The following GAB2 variants were observed in gnomAD, a reference collection of about 807,000 sequenced individuals.
GAB2 encodes the protein GRB2 associated binding protein 2.
Under a neutral mutation model 65.5 loss-of-function variants are expected in GAB2, and 26 were observed. The observed-to-expected ratio is 0.40, with a 90% CI of 0.29 to 0.55. The LOEUF (loss-of-function observed/expected upper bound fraction) is 0.55, where lower values mean the gene tolerates loss of function less well. Ranked by LOEUF, GAB2 falls within the 20% of genes least tolerant of loss-of-function variation. The pLI is 0.53. For missense variants in GAB2, 884 were observed against 875.8 expected, an observed-to-expected ratio of 1.01 and a Z score of -0.12; for synonymous variants, 321 against 329.6, an observed-to-expected ratio of 0.97 and a Z score of 0.28.
chr11:78,215,550 G>C lies in GAB2; in HGVS notation c.*3722C>G, dbSNP rs957330296. On this transcript the variant is annotated 3_prime_UTR_variant, in exon 10 of 10. Transcript: ENST00000361507. ...TCAATTTTAAATGGTAACAAGACAA[G>C]AACTCAAGACTGGGCTTCCACTAGC... 2 of 152,546 alleles carry C rather than the reference G, an allele frequency of 1.3e-5. No individual in the cohort carries two copies. The highest frequency in any genetic ancestry group is 4.8e-5 in the African/African-American group (2 of 41,456). 9.4% of individuals were successfully genotyped at this position (152,546 alleles called of 1,614,324 possible).
At chr11:78,244,663 TAAAAAAAAAAA>T (rs36056237) in intron 3 of GAB2, among the ~76,000 whole-genome samples, 8 of 74,772 alleles carry the variant, frequency 1.1e-4, no homozygotes, top group Admixed American at 4.9e-4. Context: ...ACATTCATAG[TAAAAAAAAAAA>T]AAAAAAAAAA....
At chr11:78,415,876 GT>G (rs1449384845) in intron 1 of GAB2, among the ~76,000 whole-genome samples, 4 of 150,496 alleles carry the variant, frequency 2.7e-5, no homozygotes, top group African/African-American at 7.3e-5. Flanking sequence ...TTTGCAAATT[GT>G]TTCAAAAACA....
chr11:78,417,164 G>A (rs935136853), intron 1 of GAB2, among the ~76,000 whole-genome samples: 1 of 152,126 alleles, frequency 6.6e-6, no homozygotes, highest in African/African-American at 2.4e-5. Flanking sequence ...CGGCCGGGAG[G>A]GGCAGGCGGA....
At chr11:78,370,230 C>T (rs1328932351) in intron 1 of GAB2, among the ~76,000 whole-genome samples, 1 of 144,502 alleles carries the variant, frequency 6.9e-6, no homozygotes, top group Non-Finnish European at 1.5e-5. Context: ...GCACTCCAGC[C>T]TGGGCGACAG....
chr11:78,368,240 G>A (rs1443057338), intron 1 of GAB2, among the ~76,000 whole-genome samples: 42 of 152,194 alleles, frequency 2.8e-4, no homozygotes. Context: ...CAACCAGGAA[G>A]TCCATGAACA....
chr11:78,293,074 T>G lies in GAB2; in HGVS notation c.76-12173A>C, dbSNP rs553162461. Among the ~76,000 whole-genome samples, 8 of 152,298 alleles carry G rather than the reference T, an allele frequency of 5.3e-5. 1 individual carries two copies. In the South Asian group the frequency reaches 1.7e-3, roughly 32 times the overall value. On this transcript the variant is annotated intron_variant, in intron 1 of 9. Transcript: ENST00000361507. The stretch of plus-strand genomic sequence containing the variant: ...GAGTTTATGAATTCAAGTTTATAGT[T>G]AATTGGTGATGGCAGATGGCAATAA...
rs113709383 is a variant in GAB2 at position 78,389,311 on chromosome 11, C to CTTTT, written c.75+28331_75+28334dup. On this transcript the variant is annotated intron_variant, in intron 1 of 9. Coordinates refer to ENST00000361507, the MANE Select transcript of GAB2 (RefSeq NM_080491.3). ...AATGACAGAAAAGCATGTGGTTTTC[C>CTTTT]TTTTTTTTTTTTTTGAGACAGAGTT... Among the ~76,000 whole-genome samples the CTTTT allele has an allele frequency of 1.7e-4, 25 of 144,176 alleles. 1 individual carries two copies. The highest frequency in any genetic ancestry group is 6.1e-4 in the African/African-American group (24 of 39,354). The allele number at this position is 144,176 out of a possible 152,430, so 94.6% of individuals were successfully genotyped here.
intron 3 of GAB2, among the ~76,000 whole-genome samples, chr11:78,246,152 G>C (rs578826): frequency 6.6e-6 from 1 of 151,544 alleles, no homozygotes; most frequent in Non-Finnish European, 1.5e-5. Context: ...GGCTGGTCTC[G>C]AACTCCTGAC....
At chr11:78,288,957 C>T (rs775780124) in intron 1 of GAB2, among the ~76,000 whole-genome samples, 27 of 152,108 alleles carry the variant, frequency 1.8e-4, no homozygotes, top group Non-Finnish European at 3.2e-4. Flanking sequence ...GTAGCACTGG[C>T]GAAGAGACAG....
chr11:78,249,746 T>A (rs1865394588), intron 3 of GAB2, among the ~76,000 whole-genome samples: 1 of 152,180 alleles, frequency 6.6e-6, no homozygotes, highest in Non-Finnish European at 1.5e-5. Context: ...AGGTAGTAGC[T>A]ACTATACAGA....
At chr11:78,261,976 T>G (rs1865747083) in intron 2 of GAB2, among the ~76,000 whole-genome samples, 1 of 152,218 alleles carries the variant, frequency 6.6e-6, no homozygotes. Context: ...TTATAAGAGA[T>G]AAGCTTTTCC....
At chr11:78,221,334 T>TCACCACTGAGGAGATACCTC (rs1461352016) in intron 8 of GAB2, among the ~76,000 whole-genome samples, 1 of 152,180 alleles carries the variant, frequency 6.6e-6, no homozygotes, top group Non-Finnish European at 1.5e-5. Context: ...CGTATGCCTC[T>TCACCACTGAGGAGATACCTC]CACCACTGAG....
At position 78,215,543 on chromosome 11, in the gene GAB2, A is replaced by AAGAC. The variant is rs1864080177; in HGVS notation, c.*3725_*3728dup. 6.6e-6 allele frequency: 1 copy of AAGAC among 152,616 alleles called. No homozygotes were observed. 9.5% of individuals were successfully genotyped at this position (152,616 alleles called of 1,614,324 possible). On this transcript the variant is annotated 3_prime_UTR_variant, in exon 10 of 10. Coordinates refer to ENST00000361507, the MANE Select transcript of GAB2 (RefSeq NM_080491.3). ...TTAAATGTCAATTTTAAATGGTAAC[A>AAGAC]AGACAAGAACTCAAGACTGGGCTTC...
intron 1 of GAB2, among the ~76,000 whole-genome samples, chr11:78,296,774 A>G (rs1197664257): frequency 4.6e-5 from 7 of 152,300 alleles, no homozygotes; most frequent in African/African-American, 1.4e-4. Flanking sequence ...TCAGGCTGGT[A>G]AAACAAAATA....
intron 2 of GAB2, among the ~76,000 whole-genome samples, chr11:78,278,607 G>T (rs1866242590): frequency 6.6e-6 from 1 of 151,686 alleles, no homozygotes; most frequent in Admixed American, 6.6e-5. Context: ...TCGAACTCCA[G>T]GCCTCAGGTG....
intron 2 of GAB2, among the ~76,000 whole-genome samples, chr11:78,261,545 G>C (rs372486673): frequency 6.6e-6 from 1 of 152,184 alleles, no homozygotes; most frequent in South Asian, 2.1e-4. Context: ...CAAGAGGTCA[G>C]GTTACAAGCT....
At chr11:78,371,060 C>A (rs1408345454) in intron 1 of GAB2, among the ~76,000 whole-genome samples, 1 of 152,146 alleles carries the variant, frequency 6.6e-6, no homozygotes, top group East Asian at 1.9e-4. Context: ...GATGAGACAG[C>A]CAGCACTGTT....
chr11:78,385,998 A>T (rs1174122705), intron 1 of GAB2, among the ~76,000 whole-genome samples: 1 of 152,198 alleles, frequency 6.6e-6, no homozygotes, highest in Non-Finnish European at 1.5e-5. Flanking sequence ...ATACGTATGT[A>T]TCTGGTTATT....
intron 8 of GAB2, 96 bp downstream of exon 8, chr11:78,221,581 G>A (rs1864425183): frequency 3.0e-6 from 2 of 667,388 alleles, no homozygotes; most frequent in Non-Finnish European, 5.4e-6. Context: ...GAGTCCCTGG[G>A]CTGAGGTGAG....
Sources: gnomAD v4.1 joint callset for allele counts (sites outside exome capture counted in the v4.1 genomes callset) on GRCh38, gnomAD v4.1.1 for gene constraint, MANE v1.5 for transcripts, NCBI Gene and HGNC (gene_info 2026-07-23, HGNC 2026-07-21) for gene names.